ELP1: variants seen among roughly 807,000 people sequenced by gnomAD.
The protein encoded by ELP1 is elongator complex protein 1.
In ELP1, 131 loss-of-function variants were observed where a neutral mutation model predicts 183.2. The observed-to-expected ratio is 0.72, with a 90% confidence interval of 0.62 to 0.83. ELP1 has a LOEUF of 0.83. Ranked by LOEUF, ELP1 falls within the 40% of genes least tolerant of loss-of-function variation. The pLI is 0.00. For missense variants in ELP1, 1,550 were observed against 1,594.9 expected (o/e 0.97, Z 0.48); for synonymous variants, 555 against 569.0 (o/e 0.98, Z 0.35).
At chr9:108,910,924 A>C in intron 12 of ELP1, 86 bp downstream of exon 12, 1 of 1,183,388 alleles carries the variant, frequency 8.5e-7, no homozygotes, top group Non-Finnish European at 1.3e-6. Flanking sequence ...CACTAGACCT[A>C]TGGCAACACC....
rs766689615 is a variant in ELP1 at position 108,894,009 on chromosome 9, G to A, written c.2794C>T (p.Gln932Ter). The A allele has an allele frequency of 1.3e-6, 2 of 1,597,616 alleles. No homozygotes were observed. The highest frequency in any genetic ancestry group is 1.7e-6 in the Non-Finnish European group (2 of 1,165,448). The change falls in exon 26 of 37, where the codon CAG (glutamine) becomes TAG (stop). Residue 932 changes from glutamine (Q) to a stop codon, truncating the protein, a stop_gained. Transcript: ENST00000374647. LOFTEE classifies it high-confidence loss of function. ...NTLKKMETNY[Q>*]RFTIDKYLKR... ...AAGTATTTGTCTATAGTAAACCGCT[G>A]ATAATTAGTTTCCATTTTCTTAAGT...
chr9:108,906,332 C>A lies in ELP1; in HGVS notation c.1614G>T (p.Met538Ile). The change falls in exon 14 of 37, where the codon ATG (methionine) becomes ATT (isoleucine). Residue 538 changes from methionine (M) to isoleucine (I), a missense_variant. By Grantham distance (10) the Met-to-Ile change is conservative. Transcript: ENST00000374647. ...IHHLTAASSE[M>I]DEEHGQLNVS... The stretch of plus-strand genomic sequence containing the variant: ...CATTGAGCTGTCCATGCTCTTCATC[C>A]ATCTCAGAAGAAGCTGCAGTCAAAT... 6.2e-7 allele frequency: 1 copy of A among 1,614,006 alleles called. No individual in the cohort carries two copies. The highest frequency in any genetic ancestry group is 8.5e-7 in the Non-Finnish European group (1 of 1,179,910).
At chr9:108,913,655 T>C (rs551926614) in intron 10 of ELP1, among the ~76,000 whole-genome samples, 118 of 152,054 alleles carry the variant, frequency 7.8e-4, no homozygotes, top group African/African-American at 2.8e-3. Flanking sequence ...TATATATATA[T>C]ACATGTTTTT....
intron 1 of ELP1, among the ~76,000 whole-genome samples, chr9:108,932,635 C>A (rs549251693): frequency 1.9e-4 from 29 of 152,296 alleles, no homozygotes; most frequent in African/African-American, 6.7e-4. Flanking sequence ...AGCCACCGTG[C>A]CTGGCTGCGT....
At chr9:108,906,862 G>A (rs1273903565) in intron 13 of ELP1, among the ~76,000 whole-genome samples, 2 of 152,066 alleles carry the variant, frequency 1.3e-5, no homozygotes, top group Non-Finnish European at 2.9e-5. Context: ...GCAGTAGAAT[G>A]GGTCCTTTCC....
In ELP1 at chr9:108,875,053, C is replaced by A. The variant is rs56176056; in HGVS notation, c.3856-83G>T. 2.7e-5 allele frequency: 23 copies of A among 855,190 alleles called. No homozygotes were observed. In the Admixed American group the frequency reaches 3.9e-4, roughly 15 times the overall value. The allele number at this position is 855,190 out of a possible 1,614,324, so 53.0% of individuals were successfully genotyped here. ...ATACCAAAGGCCAAATCCCTACCCC[C>A]AGAAAACAGCCTGTCATTTCTACTG... is the stretch of plus-strand genomic sequence containing the variant. On this transcript the variant is annotated intron_variant, in intron 35 of 36. Transcript: ENST00000374647.
rs967172001 is a variant in ELP1 at position 108,929,711 on chromosome 9, G to C, written c.303+58C>G. On this transcript the variant is annotated intron_variant, in intron 3 of 36. Coordinates refer to ENST00000374647, the MANE Select transcript of ELP1 (RefSeq NM_003640.5). ...ACTGATTTGAAAACTTCCACAAATA[G>C]CAAGTAACCTATTTGAGGATGCTTG... 11 of 1,565,444 alleles carry C rather than the reference G, an allele frequency of 7.0e-6. No individual in the cohort carries two copies. In the African/African-American group the frequency reaches 1.4e-4, roughly 19 times the overall value.
At chr9:108,892,567 C>T (rs1828381866) in intron 27 of ELP1, among the ~76,000 whole-genome samples, 1 of 152,168 alleles carries the variant, frequency 6.6e-6, no homozygotes, top group Non-Finnish European at 1.5e-5. Flanking sequence ...TTGTGTACAG[C>T]ACCCTATGAG....
intron 12 of ELP1, among the ~76,000 whole-genome samples, chr9:108,910,419 G>A (rs1829168894): frequency 6.6e-6 from 1 of 152,200 alleles, no homozygotes; most frequent in African/African-American, 2.4e-5. Flanking sequence ...ACTGCCATAT[G>A]CCAGCAGAAT....
At chr9:108,896,741 T>A (rs2275626) in intron 24 of ELP1, 97 bp from the exon 25 acceptor site, 79 of 1,247,656 alleles carry the variant, frequency 6.3e-5, no homozygotes, top group African/African-American at 6.1e-4. Flanking sequence ...TTTTTCTCAA[T>A]AGAACTGGAC....
At chr9:108,930,711 C>A (rs1285210237) in intron 2 of ELP1, among the ~76,000 whole-genome samples, 81 of 143,196 alleles carry the variant, frequency 5.7e-4, no homozygotes, top group Non-Finnish European at 8.3e-4. Flanking sequence ...AAAAAAAAAA[C>A]CACTCTTATA....
At chr9:108,889,593 G>A in intron 28 of ELP1, 200 bp from the exon 29 acceptor site, 3 of 620,984 alleles carry the variant, frequency 4.8e-6, no homozygotes, top group Non-Finnish European at 5.8e-6. Context: ...ATCATATACA[G>A]CCAAAATTAG....
At chr9:108,894,836 T>C (rs1828477388) in intron 25 of ELP1, among the ~76,000 whole-genome samples, 2 of 152,200 alleles carry the variant, frequency 1.3e-5, no homozygotes, top group South Asian at 2.1e-4. Flanking sequence ...GGCACTATCA[T>C]CTCCAGCTCT....
intron 22 of ELP1, among the ~76,000 whole-genome samples, chr9:108,898,138 G>C (rs989595699): frequency 6.6e-6 from 1 of 152,160 alleles, no homozygotes; most frequent in African/African-American, 2.4e-5. Flanking sequence ...TTGCTTACTG[G>C]ACAATTCTCT....
chr9:108,875,673 TC>T (rs1195213354), intron 35 of ELP1: 2 of 393,568 alleles, frequency 5.1e-6, no homozygotes, highest in Admixed American at 3.2e-5. Context: ...GGCAGGAGGA[TC>T]ACTTGAGGCC....
intron 27 of ELP1, 58 bp downstream of exon 27, chr9:108,892,928 C>A: frequency 8.4e-7 from 1 of 1,197,540 alleles, no homozygotes; most frequent in South Asian, 1.2e-5. Context: ...ATCCTCACTC[C>A]TTTCCTACTA....
At chr9:108,932,915 C>T (rs534871602) in intron 1 of ELP1, among the ~76,000 whole-genome samples, 2 of 152,284 alleles carry the variant, frequency 1.3e-5, no homozygotes, top group East Asian at 1.9e-4. Flanking sequence ...AAAGGTCAAT[C>T]GTGGATTCTC....
At chr9:108,921,191 C>G (rs1356214755) in intron 6 of ELP1, among the ~76,000 whole-genome samples, 1 of 152,062 alleles carries the variant, frequency 6.6e-6, no homozygotes, top group Admixed American at 6.5e-5. Flanking sequence ...ATAGCCATCA[C>G]CATAATCTAA....
At chr9:108,913,310 C>T (rs917921362) in intron 10 of ELP1, among the ~76,000 whole-genome samples, 5 of 152,142 alleles carry the variant, frequency 3.3e-5, no homozygotes, top group Admixed American at 1.3e-4. Flanking sequence ...GGTATTAATC[C>T]TGATTCAGCT....
Sources: allele counts gnomAD v4.1 joint callset (sites outside exome capture counted in the v4.1 genomes callset), GRCh38; gene constraint gnomAD v4.1.1; transcripts MANE v1.5; gene names NCBI Gene and HGNC (gene_info 2026-07-23, HGNC 2026-07-21).